Variants in KIAA0825 observed in about 807,000 individuals in gnomAD.
KIAA0825 encodes the protein uncharacterized protein KIAA0825.
Under a neutral mutation model 147.6 loss-of-function variants are expected in KIAA0825, and 119 were observed. The ratio of observed to expected loss-of-function variants is 0.81; its 90% confidence interval spans 0.69 to 0.94. The LOEUF (loss-of-function observed/expected upper bound fraction) is 0.94. Ranked by LOEUF, KIAA0825 falls within the 40% of genes least tolerant of loss-of-function variation. The pLI is 0.00. For synonymous variants in KIAA0825, 470 were observed against 518.1 expected, an observed-to-expected ratio of 0.91 and a Z score of 1.26; for missense variants, 1,381 against 1,472.7, an observed-to-expected ratio of 0.94 and a Z score of 1.02.
At chr5:94,560,799 C>T (rs1444122871) in intron 2 of KIAA0825, among the ~76,000 whole-genome samples, 1 of 152,202 alleles carries the variant, frequency 6.6e-6, no homozygotes, top group African/African-American at 2.4e-5. Flanking sequence ...ATCTGACTTC[C>T]AAGACTCACA....
intron 20 of KIAA0825, among the ~76,000 whole-genome samples, chr5:94,165,007 A>G (rs1767907613): frequency 6.6e-6 from 1 of 152,180 alleles, no homozygotes; most frequent in Non-Finnish European, 1.5e-5. Context: ...AAAATTGACA[A>G]ATGGGATCAA....
intron 1 of KIAA0825, among the ~76,000 whole-genome samples, chr5:94,606,749 C>T (rs1393534127): frequency 6.6e-6 from 1 of 152,114 alleles, no homozygotes; most frequent in Non-Finnish European, 1.5e-5. Flanking sequence ...AAGAAATTTA[C>T]CAGAGAAAAA....
intron 1 of KIAA0825, among the ~76,000 whole-genome samples, chr5:94,613,474 C>T (rs189948183): frequency 5.9e-5 from 9 of 152,324 alleles, no homozygotes; most frequent in South Asian, 4.1e-4. Flanking sequence ...GCTGGGATTA[C>T]AGGCATGAGT....
At chr5:94,251,911 A>G (rs1295120175) in intron 20 of KIAA0825, among the ~76,000 whole-genome samples, 2 of 152,038 alleles carry the variant, frequency 1.3e-5, no homozygotes, top group African/African-American at 4.8e-5. Flanking sequence ...ACCACTCTCT[A>G]AGTATATTTA....
intron 20 of KIAA0825, among the ~76,000 whole-genome samples, chr5:94,293,378 C>T (rs1399000406): frequency 1.3e-5 from 2 of 152,194 alleles, no homozygotes; most frequent in African/African-American, 4.8e-5. Flanking sequence ...ACTCAGTAGT[C>T]ATTCAGGAGC....
At chr5:94,398,839 T>C (rs1319347663) in intron 16 of KIAA0825, among the ~76,000 whole-genome samples, 1 of 152,270 alleles carries the variant, frequency 6.6e-6, no homozygotes, top group East Asian at 1.9e-4. Flanking sequence ...CTTTACTGTT[T>C]TTGCTGAACA....
chr5:94,598,223 A>G (rs1314806741), intron 1 of KIAA0825, among the ~76,000 whole-genome samples: 1 of 152,132 alleles, frequency 6.6e-6, no homozygotes, highest in Non-Finnish European at 1.5e-5. Context: ...GCCTTATTCT[A>G]TAAGTTTTTA....
chr5:94,437,688 T>C (rs1282177793), intron 14 of KIAA0825, among the ~76,000 whole-genome samples: 2 of 152,202 alleles, frequency 1.3e-5, no homozygotes, highest in East Asian at 1.9e-4. Context: ...TGTCTCAATA[T>C]AGTCAAAAGG....
intron 20 of KIAA0825, among the ~76,000 whole-genome samples, chr5:94,183,866 T>C (rs1193173076): frequency 6.6e-6 from 1 of 152,224 alleles, no homozygotes; most frequent in Non-Finnish European, 1.5e-5. Flanking sequence ...TCCTTTATAA[T>C]AAACAATAAA....
At chr5:94,500,805 T>C (rs1315040336) in intron 5 of KIAA0825, among the ~76,000 whole-genome samples, 1 of 152,218 alleles carries the variant, frequency 6.6e-6, no homozygotes, top group Admixed American at 6.5e-5. Flanking sequence ...GTGATGGACT[T>C]TCACTGCTGT....
chr5:94,462,525 C>G lies in KIAA0825; in HGVS notation c.2108G>C (p.Trp703Ser), dbSNP rs566779174. The G allele has an allele frequency of 6.5e-7, 1 of 1,539,902 alleles. No homozygotes were observed. Among genetic ancestry groups the G allele is most frequent in the African/African-American group, 1.4e-5 (1 of 72,386 alleles). Residue 703 changes from tryptophan to serine, a missense_variant, in exon 12 of 21, where the codon TGG becomes TCG. By Grantham distance (177) the Trp-to-Ser change is radical. Transcript: ENST00000682413. ...TILICTENML[W>S]SVCTSVQKLL... ...TTTCTGTACAGATGTACAAACTGAC[C>G]ATAACATGTTCTCAGTGCATATCAA...
chr5:94,170,961 G>A (rs192330816), intron 20 of KIAA0825, among the ~76,000 whole-genome samples: 111 of 152,248 alleles, frequency 7.3e-4, no homozygotes, highest in African/African-American at 2.6e-3. Context: ...CAAATGATTT[G>A]GTAAACAGAA....
At chr5:94,454,472 A>G (rs879612419) in intron 12 of KIAA0825, among the ~76,000 whole-genome samples, 17 of 152,192 alleles carry the variant, frequency 1.1e-4, no homozygotes, top group Admixed American at 4.6e-4. Flanking sequence ...ACTTTAATAT[A>G]TCATCTCTTC....
chr5:94,535,740 G>C (rs999440299), intron 3 of KIAA0825, among the ~76,000 whole-genome samples: 1 of 152,136 alleles, frequency 6.6e-6, no homozygotes, highest in Non-Finnish European at 1.5e-5. Context: ...GTGGTTGCCT[G>C]TTGCAATTTG....
At chr5:94,379,285 G>A (rs1423288840) in intron 20 of KIAA0825, among the ~76,000 whole-genome samples, 1 of 152,142 alleles carries the variant, frequency 6.6e-6, no homozygotes, top group Non-Finnish European at 1.5e-5. Flanking sequence ...TTTGTATATG[G>A]TGTAAGGAAG....
chr5:94,266,259 T>C (rs1321050310), intron 20 of KIAA0825, among the ~76,000 whole-genome samples: 1 of 152,230 alleles, frequency 6.6e-6, no homozygotes, highest in Non-Finnish European at 1.5e-5. Context: ...TTAAAGATTT[T>C]TCAGATGAGA....
intron 18 of KIAA0825, among the ~76,000 whole-genome samples, chr5:94,389,247 T>C (rs1411650717): frequency 6.6e-6 from 1 of 152,168 alleles, no homozygotes; most frequent in African/African-American, 2.4e-5. Context: ...GTAGAGGGTG[T>C]TAAATGAAAA....
intron 20 of KIAA0825, among the ~76,000 whole-genome samples, chr5:94,205,535 C>T (rs1019973318): frequency 6.6e-6 from 1 of 151,948 alleles, no homozygotes; most frequent in Non-Finnish European, 1.5e-5. Flanking sequence ...TCGTGATCCG[C>T]CCGCCTTGGC....
chr5:94,225,148 A>G (rs1466511294), intron 20 of KIAA0825, among the ~76,000 whole-genome samples: 1 of 152,214 alleles, frequency 6.6e-6, no homozygotes, highest in African/African-American at 2.4e-5. Flanking sequence ...CTTAAGTTAT[A>G]TAATCTCCTA....
Sources: gnomAD v4.1 joint callset for allele counts (sites outside exome capture counted in the v4.1 genomes callset) on GRCh38, gnomAD v4.1.1 for gene constraint, MANE v1.5 for transcripts, NCBI Gene and HGNC (gene_info 2026-07-23, HGNC 2026-07-21) for gene names.